RGS6: variants seen among roughly 807,000 people sequenced by gnomAD.
The protein encoded by RGS6 is regulator of G-protein signaling 6.
In RGS6, 30 loss-of-function variants were observed where a neutral mutation model predicts 78.5. The observed-to-expected ratio is 0.38, with a 90% CI of 0.29 to 0.52. The LOEUF (loss-of-function observed/expected upper bound fraction) is 0.52. Among genes scored for constraint, RGS6 ranks in the 20% least tolerant of loss-of-function variants. The probability of loss-of-function intolerance (pLI) is 0.85; values close to 1 mark genes in which losing one functional copy is unlikely to be tolerated. For synonymous variants in RGS6, 206 were observed against 206.0 expected, an observed-to-expected ratio of 1.00 and a Z score of 0.00; for missense variants, 495 against 609.7, an observed-to-expected ratio of 0.81 and a Z score of 1.98.
At chr14:72,158,465 A>C (rs1292314207) in intron 2 of RGS6, among the ~76,000 whole-genome samples, 1 of 152,186 alleles carries the variant, frequency 6.6e-6, no homozygotes, top group African/African-American at 2.4e-5. Context: ...GATACAATTC[A>C]GTCCATAACA....
intron 2 of RGS6, among the ~76,000 whole-genome samples, chr14:72,200,712 G>A (rs1033450866): frequency 6.6e-6 from 1 of 152,148 alleles, no homozygotes; most frequent in African/African-American, 2.4e-5. Context: ...AAGCCCCACA[G>A]TATTTGTTAA....
chr14:72,275,694 C>T lies in RGS6; in HGVS notation c.85-76401C>T, dbSNP rs113005172. 2.0e-3 allele frequency among the ~76,000 whole-genome samples: 312 copies of T among 152,326 alleles called. 1 individual carries two copies. Among genetic ancestry groups the T allele is most frequent in the African/African-American group, 6.8e-3 (281 of 41,574 alleles). ...CAAGCATCCCATTTCTCTTTCTGTC[C>T]TTCCACACACTACCAGTGTCTCTCG... On this transcript the variant is annotated intron_variant, in intron 2 of 17. Coordinates refer to ENST00000553525, the MANE Select transcript of RGS6 (RefSeq NM_001204424.2).
At chr14:72,205,916 G>A (rs1051910235) in intron 2 of RGS6, among the ~76,000 whole-genome samples, 4 of 152,222 alleles carry the variant, frequency 2.6e-5, no homozygotes, top group African/African-American at 7.2e-5. Flanking sequence ...TTTCTGCTGG[G>A]AGTATAAATT....
At chr14:72,172,864 A>C (rs932437722) in intron 2 of RGS6, among the ~76,000 whole-genome samples, 2 of 152,202 alleles carry the variant, frequency 1.3e-5, no homozygotes, top group Non-Finnish European at 2.9e-5. Flanking sequence ...TTCTGATGAC[A>C]AATAATGTTG....
chr14:71,936,686 ATACT>A (rs905780876), intron 1 of RGS6, among the ~76,000 whole-genome samples: 27 of 152,230 alleles, frequency 1.8e-4, no homozygotes, highest in Non-Finnish European at 2.9e-5. Context: ...AAAGTTAACA[ATACT>A]TACATGCTGT....
At chr14:72,106,844 G>A (rs746284015) in intron 2 of RGS6, among the ~76,000 whole-genome samples, 4 of 152,100 alleles carry the variant, frequency 2.6e-5, no homozygotes, top group Non-Finnish European at 5.9e-5. Flanking sequence ...TGAACTTCCT[G>A]AGTATCAGCA....
At chr14:72,185,303 C>T (rs375692913) in intron 2 of RGS6, among the ~76,000 whole-genome samples, 1 of 151,988 alleles carries the variant, frequency 6.6e-6, no homozygotes, top group African/African-American at 2.4e-5. Context: ...TCACAGACAC[C>T]CCCAGTGACA....
At chr14:72,346,913 C>A (rs1452773877) in intron 2 of RGS6, among the ~76,000 whole-genome samples, 1 of 152,162 alleles carries the variant, frequency 6.6e-6, no homozygotes. Flanking sequence ...TAAAAGAAAA[C>A]CCACTCTATG....
intron 2 of RGS6, among the ~76,000 whole-genome samples, chr14:72,047,898 G>GTTTTTTTTTTT (rs869098348): frequency 3.4e-5 from 1 of 29,640 alleles, no homozygotes; most frequent in Admixed American, 3.6e-4. Context: ...GCTAATTTTT[G>GTTTTTTTTTTT]TTTTTTTTTT....
chr14:72,242,835 T>A (rs1204899822), intron 2 of RGS6, among the ~76,000 whole-genome samples: 3 of 122,584 alleles, frequency 2.4e-5, no homozygotes, highest in Non-Finnish European at 3.3e-5. Flanking sequence ...ACTTCATTTC[T>A]TTTCTTTTTT....
At chr14:71,878,990 A>T in the RGS6 span, among the ~76,000 whole-genome samples, 2 of 152,008 alleles carry the variant, frequency 1.3e-5, no homozygotes, top group Admixed American at 6.6e-5. Context: ...AGATATGTTC[A>T]TGTTTCTGGA....
intron 3 of RGS6, among the ~76,000 whole-genome samples, chr14:72,385,468 G>C (rs2087658471): frequency 6.6e-6 from 1 of 152,200 alleles, no homozygotes; most frequent in African/African-American, 2.4e-5. Context: ...TCTTGAGAAA[G>C]AAATATCAGG....
intron 2 of RGS6, among the ~76,000 whole-genome samples, chr14:72,228,323 G>A (rs971179638): frequency 6.6e-6 from 1 of 152,160 alleles, no homozygotes; most frequent in African/African-American, 2.4e-5. Context: ...GGAGGTTGCA[G>A]TGAGTCGAGA....
chr14:72,586,005 C>T, the RGS6 span, among the ~76,000 whole-genome samples: 3 of 152,178 alleles, frequency 2.0e-5, no homozygotes, highest in Non-Finnish European at 4.4e-5. Context: ...ATTTAAAACT[C>T]TTCCTTGGCT....
intron 2 of RGS6, among the ~76,000 whole-genome samples, chr14:72,206,223 G>A (rs1025165262): frequency 2.6e-5 from 4 of 152,056 alleles, no homozygotes; most frequent in South Asian, 4.1e-4. Flanking sequence ...CCAGAACTTC[G>A]GGAGGCCAAG....
At position 71,964,898 on chromosome 14, in the gene RGS6, G is replaced by A. The variant is rs374996376; in HGVS notation, c.84+23G>A. 1.9e-5 allele frequency: 31 copies of A among 1,593,572 alleles called. No homozygotes were observed. The East Asian group carries it at 2.2e-4, about 11-fold the overall frequency. ...AAAGTAAGGCGCCTGGTCAAGTGCCGTGCGTGCTGTCCGTGTGGACTGTTG... is the reference window on the plus strand; with the variant it reads ...AAAGTAAGGCGCCTGGTCAAGTGCCATGCGTGCTGTCCGTGTGGACTGTTG... On this transcript the variant is annotated intron_variant, in intron 2 of 17. Transcript: ENST00000553525.
At chr14:72,290,047 A>G (rs2063307574) in intron 2 of RGS6, among the ~76,000 whole-genome samples, 1 of 152,234 alleles carries the variant, frequency 6.6e-6, no homozygotes, top group Non-Finnish European at 1.5e-5. Flanking sequence ...TTCCATTCAA[A>G]AGAGAATGAA....
At chr14:71,990,190 T>A (rs917392) in intron 2 of RGS6, among the ~76,000 whole-genome samples, 142,516 of 152,048 alleles carry the variant, frequency 0.94, 66,894 homozygotes, top group East Asian at 0.99. Flanking sequence ...TTCATGAGGG[T>A]TCTACGCCTA....
intron 13 of RGS6, among the ~76,000 whole-genome samples, chr14:72,507,023 G>C (rs1482604551): frequency 6.7e-4 from 50 of 74,912 alleles, no homozygotes; most frequent in Non-Finnish European, 1.4e-3. Flanking sequence ...AAAAAAATTA[G>C]CTGGCCATGG....
Sources: allele counts gnomAD v4.1 joint callset (sites outside exome capture counted in the v4.1 genomes callset), GRCh38; gene constraint gnomAD v4.1.1; transcripts MANE v1.5; gene names NCBI Gene and HGNC (gene_info 2026-07-23, HGNC 2026-07-21).